NAGPA: variants seen among roughly 807,000 people sequenced by gnomAD.
NAGPA encodes N-acetylglucosamine-1-phosphodiester alpha-N-acetylglucosaminidase.
NAGPA carries 56 observed loss-of-function variants against 48.5 expected under a neutral mutation model. The observed-to-expected ratio is 1.15, with a 90% CI of 0.93 to 1.44. The LOEUF (loss-of-function observed/expected upper bound fraction) is 1.44. Ranked by LOEUF, NAGPA falls within the 40% of genes most tolerant of loss-of-function variation. The pLI, the probability that NAGPA is intolerant of heterozygous loss-of-function variation, is 0.00. For synonymous variants in NAGPA, 399 were observed against 315.5 expected (o/e 1.26, Z -2.81); for missense variants, 888 against 735.0 (o/e 1.21, Z -2.41).
rs760219113 is a variant in NAGPA, at chr16:5,031,739, T to C, written c.682+6A>G. On this transcript the variant is annotated splice_donor_region_variant and intron_variant, in intron 3 of 9. Transcript: ENST00000312251. ...AGGGTTGTTGCCAACAGCCTCCCCA[T>C]CCAACCTGTCTCCTGTGTCTCGTCA... The C allele has an allele frequency of 9.9e-6, 16 of 1,613,954 alleles. No individual in the cohort carries two copies. Among genetic ancestry groups the C allele is most frequent in the African/African-American group, 1.3e-5 (1 of 74,888 alleles).
Position 5,033,776 on chromosome 16 carries a change from C to T in NAGPA, c.87-48G>A. The T allele has an allele frequency of 1.9e-6, 3 of 1,581,298 alleles. No individual in the cohort carries two copies. Among genetic ancestry groups the T allele is most frequent in the East Asian group, 2.3e-5 (1 of 43,424 alleles). ...GCTCAGGGGGCTGTCCTCGTGAGCT[C>T]GGAGGACAGGGGGGACCCCCCGAAC... is the stretch of plus-strand genomic sequence containing the variant. On this transcript the variant is annotated intron_variant, in intron 1 of 9. Transcript: ENST00000312251. This position sits in a 1 kb window ranked among gnomAD's most constrained non-coding sequence, Gnocchi z 4.2.
rs1479023223 is a variant in NAGPA at position 5,027,853 on chromosome 16, G to A, written c.1167C>T (p.Cys389=). 3.2e-6 allele frequency: 5 copies of A among 1,562,190 alleles called. No homozygotes were observed. Among genetic ancestry groups the A allele is most frequent in the Non-Finnish European group, 4.3e-6 (5 of 1,153,166 alleles). Reference sequence around the variant, plus strand: ...TGGCGTGGCAGCTCCTACCTTCACTGCAGTTGGACCCGGTCCATCCGGCAT... The same window carrying A: ...TGGCGTGGCAGCTCCTACCTTCACTACAGTTGGACCCGGTCCATCCGGCAT... ...RCDAGWTGSN[C]SEECPLGWHG... Residue 389 remains cysteine, a synonymous_variant, in exon 7 of 10, where the codon TGC becomes TGT. Coordinates refer to ENST00000312251, the MANE Select transcript of NAGPA (RefSeq NM_016256.4).
rs1386970810 is a variant in NAGPA, at chr16:5,027,432, C to T, written c.1175-53G>A. On this transcript the variant is annotated intron_variant, in intron 7 of 9. Transcript: ENST00000312251. ...GAGGGAGGAGAAAGGTTGGGGCCTC[C>T]AGTGTCAGAGCCTTTCTCGACAGGA... is the stretch of plus-strand genomic sequence containing the variant. 3.2e-6 allele frequency: 5 copies of T among 1,577,426 alleles called. No individual in the cohort carries two copies. The African/African-American group carries it at 5.4e-5, about 17-fold the overall frequency.
Position 5,025,423 on chromosome 16 carries a change from C to T in NAGPA, c.*55G>A. On this transcript the variant is annotated 3_prime_UTR_variant, in exon 10 of 10. Transcript: ENST00000312251. ...GGCCTTGAAATTTCCCCTGCAGAAG[C>T]CAGACCGTGGGGAAACAAGCTTTCG... 20 of 1,598,976 alleles carry T rather than the reference C, an allele frequency of 1.3e-5. No homozygotes were observed. Among genetic ancestry groups the T allele is most frequent in the Non-Finnish European group, 1.6e-5 (19 of 1,171,062 alleles).
chr16:5,030,973 G>A (rs1193451294), intron 3 of NAGPA: 19 of 225,410 alleles, frequency 8.4e-5, no homozygotes, highest in East Asian at 8.2e-4. Flanking sequence ...TGTGTTGCCC[G>A]GGCTGGAGTG....
At chr16:5,032,992 C>T (rs1956128744) in intron 2 of NAGPA, 3 of 561,880 alleles carry the variant, frequency 5.3e-6, no homozygotes, top group African/African-American at 3.8e-5. Context: ...GCTATTTACC[C>T]GGCTTTTGTT....
At chr16:5,029,534 A>T (rs370511986) in intron 4 of NAGPA, 3 of 199,764 alleles carry the variant, frequency 1.5e-5, no homozygotes, top group Admixed American at 5.3e-5. Flanking sequence ...GCCCTGCCTA[A>T]CCAGCATCTT....
intron 2 of NAGPA, among the ~76,000 whole-genome samples, chr16:5,032,490 C>A (rs866443490): frequency 5.5e-5 from 7 of 126,626 alleles, no homozygotes; most frequent in African/African-American, 2.1e-4. Flanking sequence ...CCCACTCCCC[C>A]GTTCCCCACC....
rs777429782 is a variant in NAGPA, at chr16:5,027,313, C to A, written c.1241G>T (p.Cys414Phe). ...RPCKCEHHCP[C>F]DPKTGNCSVS... ...GCTGCAGTTGCCAGTCTTGGGGTCA[C>A]AGGGACAATGGTGCTCACACTTACA... Residue 414 changes from cysteine to phenylalanine, a missense_variant, in exon 8 of 10, where the codon TGT becomes TTT. By Grantham distance (205) the Cys-to-Phe change is radical. Transcript: ENST00000312251. 6.2e-7 allele frequency: 1 copy of A among 1,614,212 alleles called. No individual in the cohort carries two copies. The highest frequency in any genetic ancestry group is 2.2e-5 in the East Asian group (1 of 44,872).
rs1567143082 is a variant in NAGPA at position 5,033,478 on chromosome 16, CG to C, written c.336del (p.Gly113AlafsTer31). ...RTFSVLEPGG[P>X]GGCAARRRAT... ...GCGCGTCGTCTCGCCGCGCAGCCGC[CG>C]GGTCCACCGGGCTCCAGCACCGAGA... On this transcript the variant is annotated frameshift_variant, in exon 2 of 10. Coordinates refer to ENST00000312251, the MANE Select transcript of NAGPA (RefSeq NM_016256.4). LOFTEE classifies it high-confidence loss of function. This position sits in a 1 kb window ranked among gnomAD's most constrained non-coding sequence, Gnocchi z 4.2. The C allele has an allele frequency of 6.4e-7, 1 of 1,574,538 alleles. No individual in the cohort carries two copies.
chr16:5,027,073 A>G (rs893526430), intron 9 of NAGPA, 62 bp downstream of exon 9: 1 of 1,586,438 alleles, frequency 6.3e-7, no homozygotes, highest in African/African-American at 1.3e-5. Context: ...TCACAGGGGA[A>G]GGGTGCGGGA....
In NAGPA at chr16:5,027,997, T is replaced by C. The variant is rs1239387186; in HGVS notation, c.1109A>G (p.His370Arg). Residue 370 changes from histidine to arginine, a missense_variant, in exon 6 of 10, where the codon CAC becomes CGC. Transcript: ENST00000312251. ...LDCGPSNCSQ[H>R]GLCTETGCRC... ...CCACTCACTCTCCGTGCACAGTCCG[T>C]GCTGGCTGCAGTTAGAGGGGCCACA... The C allele has an allele frequency of 6.3e-7, 1 of 1,598,002 alleles. No individual in the cohort carries two copies. Among genetic ancestry groups the C allele is most frequent in the Admixed American group, 1.7e-5 (1 of 57,846 alleles).
chr16:5,029,806 C>T (rs988093840), intron 4 of NAGPA: 75 of 161,230 alleles, frequency 4.7e-4, no homozygotes, highest in African/African-American at 1.8e-3. Flanking sequence ...TGCCCGTAAT[C>T]CCAGTTACCT....
chr16:5,027,240 G>A, intron 8 of NAGPA, 38 bp downstream of exon 8: 2 of 1,614,172 alleles, frequency 1.2e-6, no homozygotes, highest in South Asian at 1.1e-5. Flanking sequence ...CGGAGCAGGA[G>A]CGTCTGCCCA....
intron 3 of NAGPA, chr16:5,030,903 C>G: frequency 3.7e-6 from 1 of 273,004 alleles, no homozygotes; most frequent in Non-Finnish European, 7.2e-6. Flanking sequence ...AGATCACCTC[C>G]TTAGTGAGGC....
chr16:5,033,795 C>G lies in NAGPA; in HGVS notation c.86+34G>C, dbSNP rs1350653499. The G allele has an allele frequency of 1.3e-6, 2 of 1,566,806 alleles. No individual in the cohort carries two copies. Among genetic ancestry groups the G allele is most frequent in the South Asian group, 2.3e-5 (2 of 85,972 alleles). Reference sequence around the variant, plus strand: ...TGAGCTCGGAGGACAGGGGGGACCCCCCGAACCAGGCTGGCCCAGGGAGCT... The same window carrying G: ...TGAGCTCGGAGGACAGGGGGGACCCGCCGAACCAGGCTGGCCCAGGGAGCT... On this transcript the variant is annotated intron_variant, in intron 1 of 9. Coordinates refer to ENST00000312251, the MANE Select transcript of NAGPA (RefSeq NM_016256.4). The surrounding 1 kb of genome is among the most constrained non-coding windows in gnomAD (Gnocchi z 4.2).
rs1459697701 is a variant in NAGPA, at chr16:5,033,024, G to C, written c.542+249C>G. On this transcript the variant is annotated intron_variant, in intron 2 of 9. Transcript: ENST00000312251. This position sits in a 1 kb window ranked among gnomAD's most constrained non-coding sequence, Gnocchi z 4.2. ...TGTTGATTTTTCTAGTAATGGGGGA[G>C]GGCTGTTAAGGCAAAGACTGTGTTG... 1.4e-5 allele frequency: 8 copies of C among 584,558 alleles called. No individual in the cohort carries two copies. The highest frequency in any genetic ancestry group is 2.4e-5 in the Non-Finnish European group (8 of 330,040). 36.2% of individuals were successfully genotyped at this position (584,558 alleles called of 1,614,324 possible). A position where few individuals can be genotyped will look rare whatever the true frequency, so the allele number is the denominator to read the frequency against.
At position 5,033,833 on chromosome 16, in the gene NAGPA, A is replaced by G; in HGVS notation, c.82T>C (p.Ser28Pro). The change falls in exon 1 of 10, where the codon TCG (serine) becomes CCG (proline). Residue 28 changes from serine (S) to proline (P), a missense_variant. Transcript: ENST00000312251. The surrounding 1 kb of genome is among the most constrained non-coding windows in gnomAD (Gnocchi z 4.2). Reference sequence around the variant, plus strand: ...GGCCCAGGGAGCTGCACTCACCCCGAGTCGAGGCCGCCGGACGCTTCCCAG... The same window carrying G: ...GGCCCAGGGAGCTGCACTCACCCCGGGTCGAGGCCGCCGGACGCTTCCCAG... ...FLWEASGGLD[S>P]GASRDDDLLL... The G allele has an allele frequency of 1.3e-6, 2 of 1,551,508 alleles. No homozygotes were observed. Among genetic ancestry groups the G allele is most frequent in the Non-Finnish European group, 1.7e-6 (2 of 1,148,144 alleles).
At position 5,031,780 on chromosome 16, in the gene NAGPA, C is replaced by G. The variant is rs1956100885; in HGVS notation, c.647G>C (p.Ser216Thr). 2 of 1,614,060 alleles carry G rather than the reference C, an allele frequency of 1.2e-6. No homozygotes were observed. The highest frequency in any genetic ancestry group is 1.7e-5 in the Admixed American group (1 of 59,996). ...IRNGSIYINE[S>T]QATECDETQE... ...TGTCTCGTCACACTCTGTGGCTTGGCTCTCGTTGATGTAGATGCTTCCATT... is the reference window on the plus strand; with the variant it reads ...TGTCTCGTCACACTCTGTGGCTTGGGTCTCGTTGATGTAGATGCTTCCATT... Residue 216 changes from serine to threonine, a missense_variant, in exon 3 of 10, where the codon AGC (serine) becomes ACC (threonine). Coordinates refer to ENST00000312251, the MANE Select transcript of NAGPA (RefSeq NM_016256.4).
Sources: gnomAD v4.1 joint callset for allele counts (sites outside exome capture counted in the v4.1 genomes callset) on GRCh38, gnomAD v4.1.1 for gene constraint, Gnocchi (gnomAD v3.1) non-coding constraint, MANE v1.5 for transcripts, NCBI Gene and HGNC (gene_info 2026-07-23, HGNC 2026-07-21) for gene names.